GPHN: variants seen among roughly 807,000 people sequenced by gnomAD.
GPHN encodes the protein gephyrin.
GPHN carries 17 observed loss-of-function variants against 95.5 expected under a neutral mutation model. The observed-to-expected ratio is 0.18, with a 90% confidence interval of 0.12 to 0.27. The LOEUF is 0.27. Ranked by LOEUF, GPHN falls within the 10% of genes least tolerant of loss-of-function variation. The pLI is 1.00. For missense variants in GPHN, 660 were observed against 978.1 expected (o/e 0.67, Z 4.34); for synonymous variants, 320 against 322.5 (o/e 0.99, Z 0.08).
chr14:66,730,507 T>A (rs1366427971), intron 2 of GPHN, among the ~76,000 whole-genome samples: 1 of 152,190 alleles, frequency 6.6e-6, no homozygotes, highest in African/African-American at 2.4e-5. Flanking sequence ...ACTAAAATGT[T>A]GGGGTAGGGT....
chr14:67,048,261 A>C (rs2075134804), intron 10 of GPHN, among the ~76,000 whole-genome samples: 1 of 152,212 alleles, frequency 6.6e-6, no homozygotes, highest in South Asian at 2.1e-4. Context: ...CTGAGTTCTT[A>C]CATAGTCTTT....
the GPHN span, among the ~76,000 whole-genome samples, chr14:67,229,517 T>C: frequency 3.3e-4 from 51 of 152,288 alleles, no homozygotes; most frequent in Middle Eastern, 3.4e-3. Context: ...ACTAGAACAG[T>C]GTAGAATATT....
At chr14:67,419,014 T>A in the GPHN span, among the ~76,000 whole-genome samples, 1 of 152,090 alleles carries the variant, frequency 6.6e-6, no homozygotes, top group Non-Finnish European at 1.5e-5. Flanking sequence ...GAAGGAGAAA[T>A]GCCCCTTGGC....
the GPHN span, among the ~76,000 whole-genome samples, chr14:67,340,955 T>C: frequency 0.03 from 4,601 of 152,336 alleles, 88 homozygotes; most frequent in Non-Finnish European, 0.036. Context: ...GGATTGCAGA[T>C]GGAGTCTCGT....
chr14:67,425,915 ATTTT>A, the GPHN span, among the ~76,000 whole-genome samples: 1 of 147,942 alleles, frequency 6.8e-6, no homozygotes. Context: ...CAAAAAAAAA[ATTTT>A]TTTTTTTGGT....
chr14:67,651,343 C>G, the GPHN span: 1 of 1,612,332 alleles, frequency 6.2e-7, no homozygotes, highest in Non-Finnish European at 8.5e-7. Context: ...CATGCATTCA[C>G]AAGGTCAAAG....
the GPHN span, among the ~76,000 whole-genome samples, chr14:67,528,854 A>G: frequency 6.6e-6 from 1 of 152,216 alleles, no homozygotes; most frequent in Non-Finnish European, 1.5e-5. Flanking sequence ...GTGACAATGC[A>G]GACTCCTGGG....
chr14:67,665,146 C>G, the GPHN span, among the ~76,000 whole-genome samples: 3 of 152,210 alleles, frequency 2.0e-5, no homozygotes, highest in Non-Finnish European at 4.4e-5. Context: ...AGCTAGTGCA[C>G]CCGGCCAAGC....
the GPHN span, chr14:67,270,022 A>C: frequency 2.0e-5 from 3 of 152,210 alleles, no homozygotes; most frequent in Non-Finnish European, 2.9e-5. Context: ...TATGAAGTAT[A>C]TCTCTTCTAT....
At chr14:67,196,501 C>T in the GPHN span, among the ~76,000 whole-genome samples, 98 of 152,196 alleles carry the variant, frequency 6.4e-4, 4 homozygotes, top group South Asian at 0.02. Context: ...GGATTATAGG[C>T]GTGAGCTACT....
At chr14:67,332,433 A>G in the GPHN span, among the ~76,000 whole-genome samples, 1 of 152,234 alleles carries the variant, frequency 6.6e-6, no homozygotes, top group African/African-American at 2.4e-5. Flanking sequence ...TATTAGGAAG[A>G]GGTTATAGTG....
chr14:66,899,241 ATTT>A (rs1340818776), intron 5 of GPHN, among the ~76,000 whole-genome samples: 3 of 149,740 alleles, frequency 2.0e-5, no homozygotes, highest in Non-Finnish European at 4.5e-5. Context: ...ATTCTTTGTG[ATTT>A]ATATGCCTTT....
Position 67,058,678 on chromosome 14 carries a change from G to T in GPHN, c.1036G>T (p.Ala346Ser). 1 of 1,613,178 alleles carries T rather than the reference G, an allele frequency of 6.2e-7. No individual in the cohort carries two copies. Among genetic ancestry groups the T allele is most frequent in the East Asian group, 2.2e-5 (1 of 44,868 alleles). The change falls in exon 11 of 23, where the codon GCT (alanine) becomes TCT (serine). Residue 346 changes from alanine (A) to serine (S), a missense_variant. Ala to Ser is a moderately conservative substitution (Grantham distance 99, BLOSUM62 1). Coordinates refer to ENST00000478722, the MANE Select transcript of GPHN (RefSeq NM_020806.5). The part of the protein sequence containing the change: ...SHSAVDITKV[A>S]RRHRMSPFPL... ...CAGTGCTGTCGATATCACCAAGGTG[G>T]CTAGAAGACATCGCATGTCTCCTTT...
chr14:67,723,129 A>AAAC, the GPHN span, among the ~76,000 whole-genome samples: 1 of 152,238 alleles, frequency 6.6e-6, no homozygotes, highest in African/African-American at 2.4e-5. Flanking sequence ...TTTGGGAAAG[A>AAAC]AACAAACTCT....
intron 2 of GPHN, among the ~76,000 whole-genome samples, chr14:66,709,890 A>G (rs1281716346): frequency 6.6e-6 from 1 of 152,140 alleles, no homozygotes; most frequent in Admixed American, 6.6e-5. Flanking sequence ...ATCAGTGTCA[A>G]GAGAGAAGTT....
chr14:66,783,674 A>C (rs7142669), intron 3 of GPHN, among the ~76,000 whole-genome samples: 49,019 of 152,078 alleles, frequency 0.32, 12,486 homozygotes, highest in African/African-American at 0.69. Flanking sequence ...TACTCTCCCC[A>C]ACCCTTGGTA....
chr14:66,904,290 T>C (rs2065263422), intron 5 of GPHN, among the ~76,000 whole-genome samples: 1 of 152,022 alleles, frequency 6.6e-6, no homozygotes, highest in Admixed American at 6.6e-5. Flanking sequence ...CTGACTAGGG[T>C]TGGCCAGCTT....
At chr14:67,146,436 A>G (rs1310471212) in intron 18 of GPHN, among the ~76,000 whole-genome samples, 5 of 152,220 alleles carry the variant, frequency 3.3e-5, no homozygotes, top group Non-Finnish European at 7.3e-5. Flanking sequence ...ATGCATTACT[A>G]TAAGTTTTCT....
the GPHN span, among the ~76,000 whole-genome samples, chr14:67,308,235 A>T: frequency 6.5e-5 from 6 of 91,872 alleles, no homozygotes; most frequent in East Asian, 3.1e-3. Flanking sequence ...TTAACAGTTT[A>T]AAAAAAAAAA....
Sources: gnomAD v4.1 joint callset for allele counts (sites outside exome capture counted in the v4.1 genomes callset) on GRCh38, gnomAD v4.1.1 for gene constraint, MANE v1.5 for transcripts, NCBI Gene and HGNC (gene_info 2026-07-23, HGNC 2026-07-21) for gene names.